Variants in ECM2 observed in about 807,000 individuals in gnomAD.
The protein encoded by ECM2 is extracellular matrix protein 2, female organ and adipocyte specific.
ECM2 carries 57 observed loss-of-function variants against 67.5 expected under a neutral mutation model. The observed-to-expected ratio is 0.84, with a 90% confidence interval of 0.68 to 1.05. ECM2 has a LOEUF of 1.05. Among genes scored for constraint, ECM2 ranks in the 50% least tolerant of loss-of-function variants. The pLI is 0.00. For missense variants in ECM2, 741 were observed against 822.8 expected, an observed-to-expected ratio of 0.90 and a Z score of 1.22; for synonymous variants, 258 against 294.5, an observed-to-expected ratio of 0.88 and a Z score of 1.27.
chr9:92,507,167 C>G (rs1407259965), intron 6 of ECM2, among the ~76,000 whole-genome samples: 1 of 152,168 alleles, frequency 6.6e-6, no homozygotes, highest in Non-Finnish European at 1.5e-5. Flanking sequence ...CCACATTTTA[C>G]AAAGGTTAAC....
intron 1 of ECM2, among the ~76,000 whole-genome samples, chr9:92,524,480 C>T (rs888645879): frequency 6.6e-6 from 1 of 152,192 alleles, no homozygotes; most frequent in African/African-American, 2.4e-5. Flanking sequence ...AAAGGATTCA[C>T]TCAGCCAATC....
chr9:92,552,049 GTCTATCATATATGTGATATGATAGA>G, the ECM2 span, among the ~76,000 whole-genome samples: 495 of 81,612 alleles, frequency 6.1e-3, 26 homozygotes, highest in African/African-American at 0.024. Flanking sequence ...GATATTATAG[GTCTATCATATATGTGATATGATAGA>G]TCTATCATAT....
intron 1 of ECM2, among the ~76,000 whole-genome samples, chr9:92,533,464 T>TATTA (rs1848986083): frequency 6.6e-6 from 1 of 150,534 alleles, no homozygotes; most frequent in African/African-American, 2.4e-5. Flanking sequence ...TTTAAAACTC[T>TATTA]ATTAATCTTC....
rs932824823 is a variant in ECM2, at chr9:92,495,668, C to T, written c.*647G>A. 1 of 886,972 alleles carries T rather than the reference C, an allele frequency of 1.1e-6. No individual in the cohort carries two copies. Among genetic ancestry groups the T allele is most frequent in the African/African-American group, 1.8e-5 (1 of 55,090 alleles). 54.9% of individuals were successfully genotyped at this position (886,972 alleles called of 1,614,324 possible). ...AAAAGAGTATAGAATTTATGCACAC[C>T]CTTCTGCCAGCTTTCCTTAATGTTA... On this transcript the variant is annotated 3_prime_UTR_variant, in exon 10 of 10. Coordinates refer to ENST00000344604, the MANE Select transcript of ECM2 (RefSeq NM_001393.4).
chr9:92,509,670 T>C (rs904594775), intron 6 of ECM2, among the ~76,000 whole-genome samples: 1 of 152,232 alleles, frequency 6.6e-6, no homozygotes, highest in Non-Finnish European at 1.5e-5. Context: ...CCTGGAATCA[T>C]TGAGAAACAA....
intron 2 of ECM2, among the ~76,000 whole-genome samples, chr9:92,518,929 A>G (rs755671769): frequency 1.3e-4 from 20 of 152,164 alleles, no homozygotes; most frequent in Non-Finnish European, 2.2e-4. Flanking sequence ...TGCAGTGCAT[A>G]TATTCATTTC....
the ECM2 span, among the ~76,000 whole-genome samples, chr9:92,555,229 T>C: frequency 8.2e-6 from 1 of 121,902 alleles, no homozygotes; most frequent in African/African-American, 3.1e-5. Flanking sequence ...TTTTTTTTTT[T>C]TTTTTTTTTT....
At chr9:92,551,539 A>G in the ECM2 span, among the ~76,000 whole-genome samples, 1 of 151,782 alleles carries the variant, frequency 6.6e-6, no homozygotes, top group Admixed American at 6.6e-5. Flanking sequence ...TTATTTTTCC[A>G]TAAGTTATTG....
chr9:92,533,750 C>A (rs1849001250), intron 1 of ECM2, among the ~76,000 whole-genome samples: 1 of 152,010 alleles, frequency 6.6e-6, no homozygotes, highest in Non-Finnish European at 1.5e-5. Context: ...CTGAAAATGT[C>A]ATTGTTTAAT....
At chr9:92,493,580 T>G (rs896368808), downstream of ECM2, 10 of 152,302 alleles carry the variant, frequency 6.6e-5, no homozygotes, top group African/African-American at 2.4e-4. Flanking sequence ...AGGACTTCTT[T>G]AGTGTATATG....
At chr9:92,515,424 T>G (rs944534294) in intron 3 of ECM2, among the ~76,000 whole-genome samples, 1 of 152,224 alleles carries the variant, frequency 6.6e-6, no homozygotes, top group Non-Finnish European at 1.5e-5. Flanking sequence ...TGGGCCTTAA[T>G]ACTAATTTTT....
intron 4 of ECM2, among the ~76,000 whole-genome samples, chr9:92,513,489 T>G (rs1380068980): frequency 6.6e-6 from 1 of 152,190 alleles, no homozygotes; most frequent in Non-Finnish European, 1.5e-5. Flanking sequence ...CACAAACATC[T>G]GTACGTGGAT....
chr9:92,551,491 C>T, the ECM2 span, among the ~76,000 whole-genome samples: 1 of 152,066 alleles, frequency 6.6e-6, no homozygotes, highest in African/African-American at 2.4e-5. Context: ...GCACATACCA[C>T]CACACCTGGC....
At chr9:92,556,493 G>A in the ECM2 span, among the ~76,000 whole-genome samples, 6 of 152,216 alleles carry the variant, frequency 3.9e-5, no homozygotes, top group East Asian at 1.2e-3. Context: ...ATTAATAATT[G>A]TTTTATAAAT....
At chr9:92,552,033 A>G in the ECM2 span, among the ~76,000 whole-genome samples, 2 of 95,238 alleles carry the variant, frequency 2.1e-5, 1 homozygote, top group Non-Finnish European at 4.2e-5. Flanking sequence ...GATCTATCAT[A>G]TATGTGATAT....
At chr9:92,535,332 A>T (rs967563176) in intron 1 of ECM2, among the ~76,000 whole-genome samples, 2 of 152,216 alleles carry the variant, frequency 1.3e-5, no homozygotes, top group African/African-American at 4.8e-5. Flanking sequence ...ATTTGCTTTC[A>T]TAAACAACTT....
chr9:92,522,925 T>G, intron 1 of ECM2, 32 bp from the exon 2 acceptor site: 1 of 1,512,134 alleles, frequency 6.6e-7, no homozygotes, highest in Non-Finnish European at 8.8e-7. Flanking sequence ...AAGTTAGTGG[T>G]GACTAAATTT....
chr9:92,508,424 GAGT>G (rs1847138807), intron 6 of ECM2, among the ~76,000 whole-genome samples: 1 of 152,232 alleles, frequency 6.6e-6, no homozygotes, highest in African/African-American at 2.4e-5. Context: ...GGGAGGAGAA[GAGT>G]ACTCTGGAAG....
chr9:92,532,025 T>TTGTTTTTTTTG (rs1848816152), intron 1 of ECM2, among the ~76,000 whole-genome samples: 3 of 125,810 alleles, frequency 2.4e-5, no homozygotes, highest in Admixed American at 2.3e-4. Flanking sequence ...GTTTTTTTTT[T>TTGTTTTTTTTG]TTTATTTTAT....
Sources: allele counts gnomAD v4.1 joint callset (sites outside exome capture counted in the v4.1 genomes callset), GRCh38; gene constraint gnomAD v4.1.1; transcripts MANE v1.5; gene names NCBI Gene and HGNC (gene_info 2026-07-23, HGNC 2026-07-21).